The following EFCAB11 variants were observed in gnomAD, a reference collection of about 807,000 sequenced individuals.
EFCAB11 encodes EF-hand calcium binding domain 11.
EFCAB11 carries 14 observed loss-of-function variants against 23.0 expected under a neutral mutation model. That is an observed-to-expected ratio of 0.61 (90% CI 0.40 to 0.95). The LOEUF is 0.95. Among genes scored for constraint, EFCAB11 ranks in the 40% least tolerant of loss-of-function variants. The pLI, the probability that EFCAB11 is intolerant of heterozygous loss-of-function variation, is 0.00. For synonymous variants in EFCAB11, 65 were observed against 66.6 expected (o/e 0.98, Z 0.11); for missense variants, 198 against 195.8 (o/e 1.01, Z -0.07).
At chr14:89,918,089 G>T (rs760527452) in intron 5 of EFCAB11, among the ~76,000 whole-genome samples, 1 of 152,120 alleles carries the variant, frequency 6.6e-6, no homozygotes, top group Non-Finnish European at 1.5e-5. Flanking sequence ...TTCTAGGATG[G>T]ATATGAGTAT....
chr14:89,832,428 T>G (rs955352533), intron 5 of EFCAB11, among the ~76,000 whole-genome samples: 4 of 152,180 alleles, frequency 2.6e-5, no homozygotes, highest in Non-Finnish European at 5.9e-5. Context: ...TTTAGGCAAC[T>G]TGGGAGCTCT....
At chr14:89,836,561 C>T (rs1046225411) in intron 5 of EFCAB11, 25 of 456,530 alleles carry the variant, frequency 5.5e-5, no homozygotes, top group African/African-American at 3.6e-4. Flanking sequence ...AGGGACCAGA[C>T]GTCAGTACTC....
intron 5 of EFCAB11, among the ~76,000 whole-genome samples, chr14:89,907,364 TG>T (rs1555375745): frequency 6.6e-6 from 1 of 152,226 alleles, no homozygotes; most frequent in Non-Finnish European, 1.5e-5. Context: ...AAAATACAGA[TG>T]TTTTTGGCCA....
intron 5 of EFCAB11, among the ~76,000 whole-genome samples, chr14:89,825,822 A>C (rs1366103769): frequency 6.6e-6 from 1 of 152,154 alleles, no homozygotes; most frequent in African/African-American, 2.4e-5. Flanking sequence ...AAATGTGTTA[A>C]ATTTTGCTGG....
chr14:89,837,898 C>T (rs1186359249), intron 5 of EFCAB11, among the ~76,000 whole-genome samples: 1 of 151,946 alleles, frequency 6.6e-6, no homozygotes. Flanking sequence ...AGGGTCAAGG[C>T]CCCAAATTAC....
chr14:89,860,415 G>A lies in EFCAB11; in HGVS notation c.411-63091C>T, dbSNP rs183122198. On this transcript the variant is annotated intron_variant, in intron 5 of 5. Transcript: ENST00000316738. ...CAAATGTCTTCAGGAACCAGAACAA[G>A]GCCAAAGTACATTTCTCAACCATTC... is the stretch of plus-strand genomic sequence containing the variant. 3.9e-5 allele frequency among the ~76,000 whole-genome samples: 6 copies of A among 152,082 alleles called. No homozygotes were observed. The East Asian group carries it at 1.2e-3, about 29-fold the overall frequency.
intron 5 of EFCAB11, among the ~76,000 whole-genome samples, chr14:89,888,640 G>T (rs1215146883): frequency 6.6e-6 from 1 of 152,082 alleles, no homozygotes; most frequent in African/African-American, 2.4e-5. Context: ...CCAGCATTGG[G>T]GATTACAGTT....
At chr14:89,945,269 T>C (rs954133946) in intron 3 of EFCAB11, among the ~76,000 whole-genome samples, 2 of 152,068 alleles carry the variant, frequency 1.3e-5, no homozygotes, top group Admixed American at 6.6e-5. Flanking sequence ...GGGCCTTATT[T>C]ACTCTTTTTT....
At chr14:89,950,686 A>G (rs2139847389) in intron 2 of EFCAB11, among the ~76,000 whole-genome samples, 1 of 152,290 alleles carries the variant, frequency 6.6e-6, no homozygotes, top group South Asian at 2.1e-4. Context: ...CTGTATAGAA[A>G]ATATGAGGAC....
rs1462271792 is a variant in EFCAB11, at chr14:89,797,164, G to A, written c.*79C>T. The A allele has an allele frequency of 7.5e-7, 1 of 1,340,096 alleles. No individual in the cohort carries two copies. The highest frequency in any genetic ancestry group is 2.3e-5 in the East Asian group (1 of 42,926). The allele number at this position is 1,340,096 out of a possible 1,614,324, so 83.0% of individuals were successfully genotyped here. On this transcript the variant is annotated 3_prime_UTR_variant, in exon 6 of 6. Transcript: ENST00000316738. ...ATGTTTAATCACAAGTCTGTAGCATGACATCATTAGTAGAGTCGAGTCTGC... is the reference window on the plus strand; with the variant it reads ...ATGTTTAATCACAAGTCTGTAGCATAACATCATTAGTAGAGTCGAGTCTGC...
chr14:89,861,030 C>T (rs1231527572), intron 5 of EFCAB11, among the ~76,000 whole-genome samples: 1 of 152,202 alleles, frequency 6.6e-6, no homozygotes, highest in African/African-American at 2.4e-5. Context: ...CAAAACCAAA[C>T]TCAGACCTCT....
chr14:89,829,967 T>C (rs1886830016), intron 5 of EFCAB11: 1 of 152,192 alleles, frequency 6.6e-6, no homozygotes, highest in East Asian at 1.9e-4. Flanking sequence ...ATTGGAAGAC[T>C]TTGAAAGCAT....
At position 89,954,416 on chromosome 14, in the gene EFCAB11, G is replaced by C; in HGVS notation, c.75+170C>G. 6 of 1,536,566 alleles carry C rather than the reference G, an allele frequency of 3.9e-6. No homozygotes were observed. In the South Asian group the frequency reaches 7.1e-5, roughly 18 times the overall value. On this transcript the variant is annotated intron_variant, in intron 1 of 5. Coordinates refer to ENST00000316738, the MANE Select transcript of EFCAB11 (RefSeq NM_145231.4). ...TTGGAGGTAGCCGTAGTCCTGGACGGGGAGCCAGGAGCCCTGCAGCTCCAG... is the reference window on the plus strand; with the variant it reads ...TTGGAGGTAGCCGTAGTCCTGGACGCGGAGCCAGGAGCCCTGCAGCTCCAG...
At chr14:89,909,817 G>A (rs1889613640) in intron 5 of EFCAB11, among the ~76,000 whole-genome samples, 2 of 152,078 alleles carry the variant, frequency 1.3e-5, no homozygotes, top group African/African-American at 2.4e-5. Context: ...ATGCTCTCCC[G>A]CTGACCTCTG....
intron 5 of EFCAB11, among the ~76,000 whole-genome samples, chr14:89,863,454 G>A (rs1887990981): frequency 6.6e-6 from 1 of 152,208 alleles, no homozygotes; most frequent in Admixed American, 6.5e-5. Flanking sequence ...CAACATCTGA[G>A]CCTCTCCCAT....
At chr14:89,927,797 C>T (rs552902738) in intron 5 of EFCAB11, among the ~76,000 whole-genome samples, 6 of 152,030 alleles carry the variant, frequency 3.9e-5, no homozygotes, top group Non-Finnish European at 7.4e-5. Context: ...TCTCGGCTCA[C>T]TACAACTTCG....
chr14:89,872,526 C>T (rs17126429), intron 5 of EFCAB11, among the ~76,000 whole-genome samples: 2,581 of 152,158 alleles, frequency 0.017, 92 homozygotes, highest in African/African-American at 0.058. Context: ...ATGGAAGATA[C>T]GTCAGAATGT....
intron 5 of EFCAB11, among the ~76,000 whole-genome samples, chr14:89,869,564 C>T (rs1888203795): frequency 6.6e-6 from 1 of 152,198 alleles, no homozygotes; most frequent in South Asian, 2.1e-4. Context: ...CTGTTAGAAG[C>T]ATGAGCTATA....
intron 5 of EFCAB11, among the ~76,000 whole-genome samples, chr14:89,803,349 A>C (rs1885850621): frequency 6.6e-6 from 1 of 152,240 alleles, no homozygotes; most frequent in Non-Finnish European, 1.5e-5. Context: ...AGCCCAGAGA[A>C]GACCCCACTG....
Sources: gnomAD v4.1 joint callset for allele counts (sites outside exome capture counted in the v4.1 genomes callset) on GRCh38, gnomAD v4.1.1 for gene constraint, MANE v1.5 for transcripts, NCBI Gene and HGNC (gene_info 2026-07-23, HGNC 2026-07-21) for gene names.